Variants in MAP3K11 observed in about 807,000 individuals in gnomAD.
MAP3K11 encodes mitogen-activated protein kinase kinase kinase 11.
MAP3K11 carries 46 observed loss-of-function variants against 84.9 expected under a neutral mutation model. The observed-to-expected ratio is 0.54, with a 90% CI of 0.43 to 0.69. The LOEUF (loss-of-function observed/expected upper bound fraction) is 0.69. Among genes scored for constraint, MAP3K11 ranks in the 30% least tolerant of loss-of-function variants. The pLI, the probability that MAP3K11 is intolerant of heterozygous loss-of-function variation, is 0.00. For missense variants in MAP3K11, 1,053 were observed against 1,198.3 expected (o/e 0.88, Z 1.79); for synonymous variants, 527 against 514.7 (o/e 1.02, Z -0.32).
chr11:65,607,300 C>A lies in MAP3K11; in HGVS notation c.1459G>T (p.Asp487Tyr). The A allele has an allele frequency of 1.3e-6, 2 of 1,522,092 alleles. No individual in the cohort carries two copies. The highest frequency in any genetic ancestry group is 2.4e-5 in the South Asian group (2 of 83,488). The allele number at this position is 1,522,092 out of a possible 1,614,324, so 94.3% of individuals were successfully genotyped here. A position where few individuals can be genotyped will look rare whatever the true frequency, so the allele number is the denominator to read the frequency against. Residue 487 changes from aspartate (D) to tyrosine (Y), a missense_variant, in exon 5 of 10, where the codon GAC (aspartate) becomes TAC (tyrosine). By Grantham distance (160) the Asp-to-Tyr change is radical. This residue lies in a region of MAP3K11 where 583 missense variants were observed against 566.6 expected (regional missense o/e 1.03). Transcript: ENST00000309100. The stretch of plus-strand genomic sequence containing the variant: ...GGCATGCTGATACGCTCGCCGCCGT[C>A]GCGCGCCCGGAGCTTGCTGCGCTTG... ...TFKRSKLRAR[D>Y]GGERISMPLD...
intron 8 of MAP3K11, 36 bp from the exon 9 acceptor site, chr11:65,599,804 G>A (rs1270937152): frequency 1.3e-6 from 2 of 1,581,586 alleles, no homozygotes; most frequent in Non-Finnish European, 8.5e-7. Flanking sequence ...GGGTGTGGCT[G>A]GTGCATATTC....
chr11:65,603,092 G>C (rs1290197333), intron 8 of MAP3K11, among the ~76,000 whole-genome samples: 1 of 152,206 alleles, frequency 6.6e-6, no homozygotes, highest in African/African-American at 2.4e-5. Context: ...AACAGAATGA[G>C]ACTCTATCTT....
rs569602926 is a variant in MAP3K11 at position 65,613,640 on chromosome 11, C to T, written c.117G>A (p.Ala39=). 7.2e-5 allele frequency: 116 copies of T among 1,612,918 alleles called. No individual in the cohort carries two copies. In the South Asian group the frequency reaches 1.1e-3, roughly 15 times the overall value. The change falls in exon 1 of 10, where the codon GCG becomes GCA. Residue 39 remains alanine, a synonymous_variant. Transcript: ENST00000309100. ...CTGTCCACACCGGGTTGGCATAACCCGCTGCCTTTGGAGACCCCTCAGGCC... is the reference window on the plus strand; with the variant it reads ...CTGTCCACACCGGGTTGGCATAACCTGCTGCCTTTGGAGACCCCTCAGGCC... ...GGRPEGSPKA[A]GYANPVWTAL... is the part of the protein sequence containing the mutation.
At chr11:65,604,413 G>A (rs1351788296) in intron 8 of MAP3K11, among the ~76,000 whole-genome samples, 1 of 152,242 alleles carries the variant, frequency 6.6e-6, no homozygotes, top group Non-Finnish European at 1.5e-5. Flanking sequence ...TGGCCTTCCA[G>A]CTCTCAGTTC....
In MAP3K11 at chr11:65,613,819, C is replaced by T. The variant is rs556755106; in HGVS notation, c.-63G>A. 1.6e-5 allele frequency: 24 copies of T among 1,455,242 alleles called. No homozygotes were observed. In the African/African-American group the frequency reaches 1.7e-4, roughly 10 times the overall value. The allele number at this position is 1,455,242 out of a possible 1,614,324, so 90.1% of individuals were successfully genotyped here. A position where few individuals can be genotyped will look rare whatever the true frequency, so the allele number is the denominator to read the frequency against. ...TCTGGGTGCCCGTGGTCCCCACCCC[C>T]GCTGGCTGCCAAGGCCCTAGTCCCG... On this transcript the variant is annotated 5_prime_UTR_variant, in exon 1 of 10. Coordinates refer to ENST00000309100, the MANE Select transcript of MAP3K11 (RefSeq NM_002419.4).
At chr11:65,607,128 C>T (rs1023472926) in intron 5 of MAP3K11, 142 bp downstream of exon 5, 12 of 1,196,110 alleles carry the variant, frequency 1.0e-5, no homozygotes, top group African/African-American at 4.9e-5. Context: ...AAAAACACTC[C>T]TGGCTCCACC....
intron 8 of MAP3K11, among the ~76,000 whole-genome samples, chr11:65,602,891 G>T (rs1854470509): frequency 6.6e-6 from 1 of 152,090 alleles, no homozygotes; most frequent in South Asian, 2.1e-4. Flanking sequence ...GGGGTGGGTG[G>T]ACTACTTAAG....
chr11:65,599,184 G>A (rs1854420563), intron 9 of MAP3K11, among the ~76,000 whole-genome samples: 2 of 152,112 alleles, frequency 1.3e-5, no homozygotes, highest in African/African-American at 4.8e-5. Flanking sequence ...TTCACAGCAG[G>A]CATCGCCCCC....
Position 65,598,403 on chromosome 11 carries a change from G to A in MAP3K11, c.2432C>T (p.Pro811Leu). ...GTTGGCAGGTGGGGAGTCCCAGAAG[G>A]GGTCTGAGTCCGGGAACAAGGTCCA... is the stretch of plus-strand genomic sequence containing the variant. ...APWTLFPDSD[P>L]FWDSPPANPF... The change falls in exon 10 of 10, where the codon CCC becomes CTC. Residue 811 changes from proline to leucine, a missense_variant. Transcript: ENST00000309100. The A allele has an allele frequency of 1.3e-6, 2 of 1,577,616 alleles. No individual in the cohort carries two copies. The highest frequency in any genetic ancestry group is 1.7e-6 in the Non-Finnish European group (2 of 1,158,554).
At chr11:65,607,548 C>T in intron 4 of MAP3K11, 35 bp from the exon 5 acceptor site, 1 of 1,552,204 alleles carries the variant, frequency 6.4e-7, no homozygotes. Context: ...AGAGGTCAGC[C>T]TGGCACCAAT....
At chr11:65,605,901 G>A (rs769666459) in intron 7 of MAP3K11, 45 bp downstream of exon 7, 3 of 1,611,954 alleles carry the variant, frequency 1.9e-6, no homozygotes, top group South Asian at 2.2e-5. Flanking sequence ...TCAGGACTTG[G>A]GGAAAGCAAA....
intron 5 of MAP3K11, 170 bp downstream of exon 5, chr11:65,607,100 C>G (rs1407521660): frequency 2.3e-5 from 22 of 970,964 alleles, no homozygotes; most frequent in Admixed American, 3.8e-5. Context: ...TCCGCCAGAA[C>G]CCGCCCACAG....
At chr11:65,608,951 T>C (rs1726615533) in intron 1 of MAP3K11, 1 of 156,026 alleles carries the variant, frequency 6.4e-6, no homozygotes, top group African/African-American at 2.4e-5. Flanking sequence ...CTCAAAACCA[T>C]TTATGAGCTA....
In MAP3K11 at chr11:65,599,775, G is replaced by A. The variant is rs1009396346; in HGVS notation, c.1832-7C>T. 1.3e-5 allele frequency: 21 copies of A among 1,592,616 alleles called. No individual in the cohort carries two copies. The highest frequency in any genetic ancestry group is 1.8e-5 in the Non-Finnish European group (21 of 1,177,586). ...CTAGGCCGCGGGGGGTTACCTGCGG[G>A]CAGAGGCGGCACAGGTGAGGGTGTG... is the stretch of plus-strand genomic sequence containing the variant. On this transcript the variant is annotated splice_region_variant and splice_polypyrimidine_tract_variant and intron_variant, in intron 8 of 9. Coordinates refer to ENST00000309100, the MANE Select transcript of MAP3K11 (RefSeq NM_002419.4).
chr11:65,604,601 T>G (rs112392106), intron 8 of MAP3K11, among the ~76,000 whole-genome samples: 7 of 152,242 alleles, frequency 4.6e-5, no homozygotes, highest in African/African-American at 1.7e-4. Flanking sequence ...TTTTCTCTGT[T>G]GTAAAATGCA....
intron 9 of MAP3K11, 29 bp downstream of exon 9, chr11:65,599,365 G>A: frequency 6.5e-7 from 1 of 1,531,026 alleles, no homozygotes; most frequent in Non-Finnish European, 8.7e-7. Flanking sequence ...TCTCCCATAT[G>A]TGAAGCAGGC....
At chr11:65,608,548 C>T (rs1400170895) in intron 1 of MAP3K11, 100 bp from the exon 2 acceptor site, 1 of 1,050,916 alleles carries the variant, frequency 9.5e-7, no homozygotes, top group Non-Finnish European at 1.4e-6. Context: ...CTGGCTGGGT[C>T]CTGGGGGCAC....
intron 2 of MAP3K11, 78 bp downstream of exon 2, chr11:65,608,190 C>A: frequency 3.1e-6 from 5 of 1,589,848 alleles, no homozygotes; most frequent in Non-Finnish European, 3.4e-6. Flanking sequence ...CTGGACTTGG[C>A]CCAGCCCTAG....
rs1854532824 is a variant in MAP3K11, at chr11:65,608,020, C to T, written c.971G>A (p.Gly324Asp). 6.2e-7 allele frequency: 1 copy of T among 1,614,198 alleles called. No individual in the cohort carries two copies. The highest frequency in any genetic ancestry group is 8.5e-7 in the Non-Finnish European group (1 of 1,180,034). Residue 324 changes from glycine (G) to aspartate (D), a missense_variant, in exon 3 of 10, where the codon GGC becomes GAC. Gly to Asp is a moderately conservative substitution (Grantham distance 94). Coordinates refer to ENST00000309100, the MANE Select transcript of MAP3K11 (RefSeq NM_002419.4). ...ELLTGEVPYR[G>D]IDCLAVAYGV... Reference sequence around the variant, plus strand: ...ATAGGCCACAGCAAGGCAGTCAATGCCACGGTATGGCACCTCCCCGGTCAG... The same window carrying T: ...ATAGGCCACAGCAAGGCAGTCAATGTCACGGTATGGCACCTCCCCGGTCAG...
Sources: allele counts gnomAD v4.1 joint callset (sites outside exome capture counted in the v4.1 genomes callset), GRCh38; gene constraint gnomAD v4.1.1; regional missense constraint gnomAD v4.1.1; transcripts MANE v1.5; gene names NCBI Gene and HGNC (gene_info 2026-07-23, HGNC 2026-07-21).